Variants in KIF1A observed in about 807,000 individuals in gnomAD.
The protein encoded by KIF1A is kinesin family member 1A.
KIF1A carries 46 observed loss-of-function variants against 227.3 expected under a neutral mutation model. The observed-to-expected ratio is 0.20, with a 90% CI of 0.16 to 0.26. The LOEUF is 0.26. Ranked by LOEUF, KIF1A falls within the 10% of genes least tolerant of loss-of-function variation. The pLI is 1.00. For missense variants in KIF1A, 1,683 were observed against 2,485.9 expected, an observed-to-expected ratio of 0.68 and a Z score of 6.87; for synonymous variants, 1,022 against 1,012.8, an observed-to-expected ratio of 1.01 and a Z score of -0.17.
chr2:240,740,055 C>T lies in KIF1A; in HGVS notation c.3901+3G>A. The T allele has an allele frequency of 6.3e-7, 1 of 1,578,370 alleles. No homozygotes were observed. Among genetic ancestry groups the T allele is most frequent in the Non-Finnish European group, 8.6e-7 (1 of 1,162,266 alleles). Reference sequence around the variant, plus strand: ...ACCAAGGCAGCCCCCACACCGCACTCACCCACGACCAGCTCGCGCACTTCC... The same window carrying T: ...ACCAAGGCAGCCCCCACACCGCACTTACCCACGACCAGCTCGCGCACTTCC... On this transcript the variant is annotated splice_donor_region_variant and intron_variant, in intron 37 of 48. Coordinates refer to ENST00000498729, the MANE Select transcript of KIF1A (RefSeq NM_001244008.2). This position sits in a 1 kb window ranked among gnomAD's most constrained non-coding sequence, Gnocchi z 6.1.
chr2:240,720,459 G>A (rs6735606), intron 45 of KIF1A, among the ~76,000 whole-genome samples: 12,737 of 152,220 alleles, frequency 0.084, 621 homozygotes, highest in South Asian at 0.14. Context: ...CCCTTAAGGC[G>A]CTTAAAACAA....
chr2:240,762,636 A>G, intron 23 of KIF1A, 83 bp downstream of exon 23: 1 of 1,400,082 alleles, frequency 7.1e-7, no homozygotes, highest in South Asian at 1.7e-5. Flanking sequence ...CTGACCAGTG[A>G]CCTCCAGGGA....
intron 14 of KIF1A, chr2:240,771,421 C>T: frequency 2.3e-6 from 1 of 427,466 alleles, no homozygotes; most frequent in Non-Finnish European, 4.3e-6. Flanking sequence ...GCCTGCCCTC[C>T]CCAGCAGCAG....
chr2:240,728,486 C>G, intron 38 of KIF1A: 1 of 1,016,870 alleles, frequency 9.8e-7, no homozygotes, highest in Non-Finnish European at 1.4e-6. Flanking sequence ...AGCACCGGCA[C>G]AAGGCCCAGG....
At chr2:240,820,241 G>C (rs2058638983), upstream of KIF1A, 1 of 149,666 alleles carries the variant, frequency 6.7e-6, no homozygotes, top group African/African-American at 2.4e-5. The surrounding 1 kb of genome is among the most constrained non-coding windows in gnomAD (Gnocchi z 6.2). Flanking sequence ...CGCGTGACGG[G>C]CTGCGCGCCC....
intron 7 of KIF1A, 87 bp from the exon 8 acceptor site, chr2:240,783,903 T>C: frequency 9.7e-7 from 1 of 1,028,076 alleles, no homozygotes; most frequent in Admixed American, 2.0e-5. Flanking sequence ...TCCACAGCTG[T>C]TGAAGGAGCC....
At chr2:240,742,561 C>T (rs1437575074) in intron 34 of KIF1A, among the ~76,000 whole-genome samples, 6 of 152,186 alleles carry the variant, frequency 3.9e-5, no homozygotes, top group African/African-American at 7.2e-5. Flanking sequence ...CCCACACTCT[C>T]GCTCCCACCT....
chr2:240,801,208 A>C (rs1457093559), intron 1 of KIF1A, among the ~76,000 whole-genome samples: 1 of 152,218 alleles, frequency 6.6e-6, no homozygotes, highest in Non-Finnish European at 1.5e-5. Flanking sequence ...GTTATTAAAC[A>C]AGGACTTTAG....
chr2:240,794,199 A>G (rs2056096501), intron 2 of KIF1A, among the ~76,000 whole-genome samples: 1 of 152,200 alleles, frequency 6.6e-6, no homozygotes, highest in South Asian at 2.1e-4. Context: ...CCTAGGGGAC[A>G]TCCTTCTCTC....
intron 1 of KIF1A, among the ~76,000 whole-genome samples, chr2:240,804,194 A>C (rs1390973079): frequency 2.0e-5 from 3 of 152,222 alleles, no homozygotes; most frequent in Non-Finnish European, 2.9e-5. Flanking sequence ...TGAACCTGGG[A>C]AGCAGAGGTT....
At chr2:240,787,581 A>G (rs1198616110) in intron 4 of KIF1A, among the ~76,000 whole-genome samples, 2 of 152,108 alleles carry the variant, frequency 1.3e-5, no homozygotes, top group African/African-American at 4.8e-5. Flanking sequence ...CATCCCAGCC[A>G]TCTCCCTTCC....
In KIF1A at chr2:240,744,859, A is replaced by G. The variant is rs573939150; in HGVS notation, c.3465+568T>C. Among the ~76,000 whole-genome samples, 130 of 152,040 alleles carry G rather than the reference A, an allele frequency of 8.6e-4. 1 individual carries two copies. Among genetic ancestry groups the G allele is most frequent in the African/African-American group, 3.0e-3 (123 of 41,496 alleles). On this transcript the variant is annotated intron_variant, in intron 32 of 48. Coordinates refer to ENST00000498729, the MANE Select transcript of KIF1A (RefSeq NM_001244008.2). ...AATCCACACCCGTGGCCTGGCACTCAAGGCCTGGCTCCCTGGTAGCTTTCC... is the reference window on the plus strand; with the variant it reads ...AATCCACACCCGTGGCCTGGCACTCGAGGCCTGGCTCCCTGGTAGCTTTCC...
At chr2:240,733,008 G>A (rs1004797264) in intron 38 of KIF1A, among the ~76,000 whole-genome samples, 11 of 120,790 alleles carry the variant, frequency 9.1e-5, no homozygotes, top group South Asian at 3.5e-4. Context: ...AGGGAGGGAT[G>A]AGGGGGAATG....
rs1575527043 is a variant in KIF1A at position 240,726,542 on chromosome 2, C to G, written c.4122+284G>C. Among the ~76,000 whole-genome samples, 1 of 151,970 alleles carries G rather than the reference C, an allele frequency of 6.6e-6. No homozygotes were observed. The highest frequency in any genetic ancestry group is 1.5e-5 in the Non-Finnish European group (1 of 68,018). Reference sequence around the variant, plus strand: ...AGGAGAATCGCTTGAGCCTGGGAAGCGGAGGTTGCAGTGAGACTGCGCCAT... The same window carrying G: ...AGGAGAATCGCTTGAGCCTGGGAAGGGGAGGTTGCAGTGAGACTGCGCCAT... On this transcript the variant is annotated intron_variant, in intron 39 of 48. Coordinates refer to ENST00000498729, the MANE Select transcript of KIF1A (RefSeq NM_001244008.2). This position sits in a 1 kb window ranked among gnomAD's most constrained non-coding sequence, Gnocchi z 5.2.
chr2:240,737,585 G>A (rs1014939023), intron 37 of KIF1A: 1 of 162,632 alleles, frequency 6.1e-6, no homozygotes, highest in Non-Finnish European at 1.4e-5. Context: ...AAGGGAGGGA[G>A]GGAAAGAAGA....
In KIF1A at chr2:240,785,120, G is replaced by A. The variant is rs571736481; in HGVS notation, c.609-20C>T. The A allele has an allele frequency of 1.8e-5, 28 of 1,593,298 alleles. No individual in the cohort carries two copies. The highest frequency in any genetic ancestry group is 1.7e-4 in the Middle Eastern group (1 of 5,842). ...ACGGTCCTGAGGAGCAGAAAGCCAC[G>A]CACGGTTACCCCTCGTCCTGTGGCC... On this transcript the variant is annotated intron_variant, in intron 6 of 48. Coordinates refer to ENST00000498729, the MANE Select transcript of KIF1A (RefSeq NM_001244008.2).
chr2:240,765,653 G>A (rs1250084449), intron 20 of KIF1A, 57 bp downstream of exon 20: 4 of 1,382,858 alleles, frequency 2.9e-6, no homozygotes, highest in Non-Finnish European at 4.1e-6. Context: ...CATGGGAACA[G>A]AGGCCTCGCC....
rs949585052 is a variant in KIF1A, at chr2:240,740,756, C to T, written c.3750-392G>A. ...CTCGTCTTCTCCAACATCTAAGGCT[C>T]CTGTCCCACTCTGGGCAAGGATCCG... is the stretch of plus-strand genomic sequence containing the variant. On this transcript the variant is annotated intron_variant, in intron 35 of 48. Transcript: ENST00000498729. This position sits in a 1 kb window ranked among gnomAD's most constrained non-coding sequence, Gnocchi z 6.1. 3.9e-5 allele frequency among the ~76,000 whole-genome samples: 6 copies of T among 152,038 alleles called. No individual in the cohort carries two copies. Among genetic ancestry groups the T allele is most frequent in the African/African-American group, 1.2e-4 (5 of 41,384 alleles).
chr2:240,731,058 T>C (rs1199128491), intron 38 of KIF1A, among the ~76,000 whole-genome samples: 4 of 152,244 alleles, frequency 2.6e-5, no homozygotes, highest in Admixed American at 6.5e-5. Flanking sequence ...CTGGGAAGGC[T>C]GATGTTGCCC....
Sources: allele counts gnomAD v4.1 joint callset (sites outside exome capture counted in the v4.1 genomes callset), GRCh38; gene constraint gnomAD v4.1.1; non-coding constraint Gnocchi (gnomAD v3.1); transcripts MANE v1.5; gene names NCBI Gene and HGNC (gene_info 2026-07-23, HGNC 2026-07-21).